The following NUP35 variants were observed in gnomAD, a reference collection of about 807,000 sequenced individuals.
NUP35 encodes the protein nucleoporin NUP35.
In NUP35, 25 loss-of-function variants were observed where a neutral mutation model predicts 41.5. The ratio of observed to expected loss-of-function variants is 0.60; its 90% CI spans 0.44 to 0.84. The LOEUF (loss-of-function observed/expected upper bound fraction) is 0.84. Ranked by LOEUF, NUP35 falls within the 40% of genes least tolerant of loss-of-function variation. The pLI, the probability that NUP35 is intolerant of heterozygous loss-of-function variation, is 0.00. For missense variants in NUP35, 396 were observed against 396.6 expected, an observed-to-expected ratio of 1.00 and a Z score of 0.01; for synonymous variants, 149 against 130.7, an observed-to-expected ratio of 1.14 and a Z score of -0.96.
intron 5 of NUP35, among the ~76,000 whole-genome samples, chr2:183,153,818 C>T (rs1022470199): frequency 2.0e-5 from 3 of 152,152 alleles, no homozygotes; most frequent in African/African-American, 7.2e-5. Flanking sequence ...TAGTAGGGAC[C>T]CTGTGTGGGA....
At chr2:183,133,530 G>GCAT in intron 3 of NUP35, 36 bp from the exon 4 acceptor site, 1 of 1,545,426 alleles carries the variant, frequency 6.5e-7, no homozygotes, top group Admixed American at 1.8e-5. Context: ...TTTATGTTTT[G>GCAT]CATTTTTACC....
chr2:183,120,905 A>G (rs1307424690), upstream of NUP35, among the ~76,000 whole-genome samples: 1 of 152,212 alleles, frequency 6.6e-6, no homozygotes, highest in Non-Finnish European at 1.5e-5. Context: ...ATTTGGCTTT[A>G]GAGATGTTGG....
At chr2:183,138,269 A>ATATATATATATATATATATATT in intron 4 of NUP35, among the ~76,000 whole-genome samples, 3 of 80,694 alleles carry the variant, frequency 3.7e-5, no homozygotes, top group African/African-American at 1.2e-4. Flanking sequence ...ATATATATAT[A>ATATATATATATATATATATATT]TTTTTTTTTT....
rs779122285 is a variant in NUP35, at chr2:183,124,493, G to A, written c.36G>A (p.Ala12=). The A allele has an allele frequency of 4.3e-6, 7 of 1,614,026 alleles. No individual in the cohort carries two copies. In the East Asian group the frequency reaches 1.3e-4, roughly 31 times the overall value. The change falls in exon 1 of 9, where the codon GCG becomes GCA. Residue 12 remains alanine (A), a synonymous_variant. Transcript: ENST00000295119. ...AAFAVEPQGP[A]LGSEPMMLGS... ...TTGCAGTGGAACCTCAGGGGCCCGC[G>A]TTAGGTGAGTGAAATATTGCTTTTC...
chr2:183,124,360 A>T, upstream of NUP35: 1 of 1,601,788 alleles, frequency 6.2e-7, no homozygotes, highest in Non-Finnish European at 8.5e-7. Flanking sequence ...AAGTTACGCA[A>T]CCCCATAAGG....
rs780390971 is a variant in NUP35 at position 183,133,598 on chromosome 2, T to G, written c.372T>G (p.Val124=). The part of the protein sequence containing the change: ...PNISVMQSPL[V]GVTSTPGTGQ... ...TTTCAGTAATGCAGAGTCCTCTTGT[T>G]GGAGTTACATCTACTCCTGGAACAG... Residue 124 remains valine, a synonymous_variant, in exon 4 of 9, where the codon GTT becomes GTG. Coordinates refer to ENST00000295119, the MANE Select transcript of NUP35 (RefSeq NM_138285.5). 1.2e-6 allele frequency: 2 copies of G among 1,600,788 alleles called. No homozygotes were observed. The highest frequency in any genetic ancestry group is 2.3e-5 in the South Asian group (2 of 88,098).
At chr2:183,157,646 C>T (rs1685718735) in intron 6 of NUP35, 133 bp downstream of exon 6, 1 of 626,218 alleles carries the variant, frequency 1.6e-6, no homozygotes, top group Non-Finnish European at 2.8e-6. Flanking sequence ...ATAATACATC[C>T]TTTGAAGTCT....
chr2:183,135,333 CGGAG>C (rs1684838557), intron 4 of NUP35, among the ~76,000 whole-genome samples: 1 of 151,950 alleles, frequency 6.6e-6, no homozygotes, highest in Non-Finnish European at 1.5e-5. Context: ...GTATTCTAGA[CGGAG>C]GGAACAGTGT....
intron 1 of NUP35, among the ~76,000 whole-genome samples, chr2:183,127,909 C>CA (rs1178884249): frequency 2.0e-5 from 3 of 151,642 alleles, no homozygotes; most frequent in Non-Finnish European, 2.9e-5. Context: ...CCCATTTCTG[C>CA]AAAAAAATAC....
intron 4 of NUP35, among the ~76,000 whole-genome samples, chr2:183,145,522 A>T (rs955679847): frequency 2.6e-5 from 4 of 152,200 alleles, no homozygotes; most frequent in African/African-American, 9.6e-5. Context: ...GTATTATAGG[A>T]TGATGTACTT....
chr2:183,160,909 C>T (rs920624673), intron 8 of NUP35, 145 bp from the exon 9 acceptor site: 20 of 561,866 alleles, frequency 3.6e-5, no homozygotes, highest in East Asian at 9.6e-5. Context: ...GGTGAAACCC[C>T]GTCTCTACTA....
At chr2:183,118,545 T>C (rs551274358) in intron 1 of NUP35, 1 of 152,366 alleles carries the variant, frequency 6.6e-6, no homozygotes, top group South Asian at 2.1e-4. Flanking sequence ...CTTTGTTTAA[T>C]GTTTATTTAC....
In NUP35 at chr2:183,128,285, A is replaced by G. The variant is rs1269180238; in HGVS notation, c.41-2A>G. ...CCTTAATTTATTTTTTGATTCATGTAGGATCTGAACCAATGATGCTGGGTT... is the reference window on the plus strand; with the variant it reads ...CCTTAATTTATTTTTTGATTCATGTGGGATCTGAACCAATGATGCTGGGTT... On this transcript the variant is annotated splice_acceptor_variant, in intron 1 of 8. Transcript: ENST00000295119. LOFTEE classifies it high-confidence loss of function. The G allele has an allele frequency of 3.1e-6, 5 of 1,594,206 alleles. No individual in the cohort carries two copies. Among genetic ancestry groups the G allele is most frequent in the Non-Finnish European group, 4.3e-6 (5 of 1,168,244 alleles).
At chr2:183,123,124 A>G (rs1700093268), upstream of NUP35, among the ~76,000 whole-genome samples, 1 of 152,200 alleles carries the variant, frequency 6.6e-6, no homozygotes. Flanking sequence ...GGCTTCTAGA[A>G]GCTTGAAAAA....
intron 4 of NUP35, among the ~76,000 whole-genome samples, chr2:183,151,159 C>T (rs181274030): frequency 2.0e-5 from 3 of 152,258 alleles, no homozygotes; most frequent in Admixed American, 6.5e-5. Context: ...GTTCTTAAGG[C>T]AGAGGTGCTG....
At chr2:183,138,177 TA>T (rs1684948267) in intron 4 of NUP35, among the ~76,000 whole-genome samples, 1 of 148,990 alleles carries the variant, frequency 6.7e-6, no homozygotes, top group South Asian at 2.1e-4. Context: ...TGGCCAATGA[TA>T]GGCAAGAAAT....
intron 5 of NUP35, among the ~76,000 whole-genome samples, chr2:183,153,239 C>T (rs1327192930): frequency 6.6e-6 from 1 of 152,140 alleles, no homozygotes; most frequent in African/African-American, 2.4e-5. Context: ...ACAGCCAAAC[C>T]ATTTCATTTC....
chr2:183,125,628 G>T (rs1292955249), intron 1 of NUP35, among the ~76,000 whole-genome samples: 1 of 152,162 alleles, frequency 6.6e-6, no homozygotes, highest in Non-Finnish European at 1.5e-5. Context: ...GTATTTTAGA[G>T]ATCAAAAACT....
chr2:183,127,269 GAT>G, intron 1 of NUP35, among the ~76,000 whole-genome samples: 1 of 150,430 alleles, frequency 6.6e-6, no homozygotes, highest in Admixed American at 6.7e-5. Flanking sequence ...ATTTAATGAT[GAT>G]TCTTTAATTT....
Sources: allele counts gnomAD v4.1 joint callset (sites outside exome capture counted in the v4.1 genomes callset), GRCh38; gene constraint gnomAD v4.1.1; transcripts MANE v1.5; gene names NCBI Gene and HGNC (gene_info 2026-07-23, HGNC 2026-07-21).